Variants in ZFHX3 observed in about 807,000 individuals in gnomAD.
ZFHX3 encodes zinc finger homeobox protein 3.
In ZFHX3, 42 loss-of-function variants were observed where a neutral mutation model predicts 279.1. The ratio of observed to expected loss-of-function variants is 0.15; its 90% CI spans 0.12 to 0.19. ZFHX3 has a LOEUF of 0.19. Among genes scored for constraint, ZFHX3 ranks in the 10% least tolerant of loss-of-function variants. ZFHX3 has a pLI of 1.00. For synonymous variants in ZFHX3, 2,293 were observed against 1,957.8 expected (o/e 1.17, Z -4.52); for missense variants, 4,981 against 4,754.0 (o/e 1.05, Z -1.40).
At chr16:73,774,725 T>C (rs2054057910) in intron 1 of ZFHX3, among the ~76,000 whole-genome samples, 1 of 152,112 alleles carries the variant, frequency 6.6e-6, no homozygotes, top group Non-Finnish European at 1.5e-5. Flanking sequence ...ACAACCTCGG[T>C]TTATCAGTCA....
At chr16:73,639,544 T>C (rs529900578) in intron 2 of ZFHX3, among the ~76,000 whole-genome samples, 1 of 152,278 alleles carries the variant, frequency 6.6e-6, no homozygotes, top group South Asian at 2.1e-4. Context: ...CATGCCACCT[T>C]ACTGAGTTGC....
intron 2 of ZFHX3, chr16:73,486,825 T>A (rs1219560843): frequency 2.2e-6 from 1 of 456,078 alleles, no homozygotes; most frequent in Non-Finnish European, 4.4e-6. Flanking sequence ...TGGTCCACTC[T>A]GCACTTTAGG....
intron 4 of ZFHX3, among the ~76,000 whole-genome samples, chr16:72,851,427 G>A (rs2037614713): frequency 6.6e-6 from 1 of 152,182 alleles, no homozygotes; most frequent in African/African-American, 2.4e-5. Context: ...GTACTCTTGG[G>A]TTCTTGCAAC....
rs78790189 is a variant in ZFHX3 at position 72,815,849 on chromosome 16, G to A, written c.3530-3811C>T. ...AACAAAAAAACAAACAACTTGAAGC[G>A]TTAGTAACTCTAGTGGTTTGTACAA... is the stretch of plus-strand genomic sequence containing the variant. On this transcript the variant is annotated intron_variant, in intron 5 of 9. Transcript: ENST00000268489. 0.011 allele frequency among the ~76,000 whole-genome samples: 1,620 copies of A among 152,262 alleles called. 62 individuals are homozygous for A. In the South Asian group the frequency reaches 0.11, roughly 10 times the overall value.
chr16:73,360,082 G>A (rs543687998), intron 3 of ZFHX3, among the ~76,000 whole-genome samples: 1 of 152,198 alleles, frequency 6.6e-6, no homozygotes, highest in East Asian at 1.9e-4. Context: ...TTATTAGTTG[G>A]GTGGCATTAG....
intron 4 of ZFHX3, among the ~76,000 whole-genome samples, chr16:72,867,252 G>A (rs183662815): frequency 3.3e-5 from 5 of 152,246 alleles, no homozygotes; most frequent in African/African-American, 1.2e-4. Flanking sequence ...ATGTCAGTGT[G>A]GCATATTATG....
intron 1 of ZFHX3, among the ~76,000 whole-genome samples, chr16:73,804,470 G>A (rs1368521160): frequency 6.6e-6 from 1 of 152,190 alleles, no homozygotes; most frequent in African/African-American, 2.4e-5. Flanking sequence ...GCATTAAGCA[G>A]TCAGAAACAT....
chr16:72,945,335 G>A (rs79328838), intron 3 of ZFHX3, among the ~76,000 whole-genome samples: 4 of 152,206 alleles, frequency 2.6e-5, no homozygotes, highest in African/African-American at 4.8e-5. Flanking sequence ...CCATCTCCTG[G>A]AGTCCTCTTG....
At chr16:73,174,060 G>A (rs1310949026) in intron 5 of ZFHX3, among the ~76,000 whole-genome samples, 5 of 152,136 alleles carry the variant, frequency 3.3e-5, no homozygotes, top group African/African-American at 4.8e-5. Flanking sequence ...CGTCCTCAAG[G>A]CTTTGGGCAG....
intron 1 of ZFHX3, among the ~76,000 whole-genome samples, chr16:73,711,805 G>A (rs972762342): frequency 6.6e-6 from 1 of 152,190 alleles, no homozygotes; most frequent in Admixed American, 6.5e-5. Flanking sequence ...CTGTTTTCCT[G>A]TTACCTTCCA....
intron 2 of ZFHX3, among the ~76,000 whole-genome samples, chr16:73,587,396 A>G (rs1396540689): frequency 1.3e-5 from 2 of 152,262 alleles, no homozygotes; most frequent in Non-Finnish European, 2.9e-5. Context: ...TGACCTGGAC[A>G]ATGGTTAGAT....
intron 9 of ZFHX3, chr16:72,789,475 G>A (rs1190975311): frequency 2.6e-5 from 4 of 152,310 alleles, no homozygotes; most frequent in Non-Finnish European, 5.9e-5. Context: ...GGTCCCCAGA[G>A]AAGTTATCTG....
chr16:73,883,843 A>C (rs62041531), intron 1 of ZFHX3, among the ~76,000 whole-genome samples: 1 of 152,062 alleles, frequency 6.6e-6, no homozygotes, highest in Non-Finnish European at 1.5e-5. Flanking sequence ...CAAGGTCTCC[A>C]TAAGTGAGTA....
rs945918662 is a variant in ZFHX3 at position 72,957,573 on chromosome 16, T to A, written c.2573A>T (p.Glu858Val). 1 of 1,613,786 alleles carries A rather than the reference T, an allele frequency of 6.2e-7. No homozygotes were observed. Among genetic ancestry groups the A allele is most frequent in the African/African-American group, 1.3e-5 (1 of 74,890 alleles). ...CAGGTAGTATTGGTAGAGCTCGGCC[T>A]CGGCGGGTGAGGGCAGGCTGCCGAG... is the stretch of plus-strand genomic sequence containing the variant. ...LGLGSLPSPA[E>V]AELYQYYLAQ... is the part of the protein sequence containing the mutation. Residue 858 changes from glutamate to valine, a missense_variant, in exon 2 of 10, where the codon GAG becomes GTG. Coordinates refer to ENST00000268489, the MANE Select transcript of ZFHX3 (RefSeq NM_006885.4).
intron 2 of ZFHX3, among the ~76,000 whole-genome samples, chr16:73,675,453 A>G (rs1216727981): frequency 1.3e-5 from 2 of 152,090 alleles, no homozygotes; most frequent in South Asian, 2.1e-4. Flanking sequence ...TCATCTATCC[A>G]TTACAAATGG....
chr16:73,828,093 T>C (rs1318425018), intron 1 of ZFHX3, among the ~76,000 whole-genome samples: 1 of 63,498 alleles, frequency 1.6e-5, no homozygotes, highest in African/African-American at 7.2e-5. Context: ...TGCTCCTGTA[T>C]TGGGTGCATA....
At chr16:73,614,508 C>A (rs576066716) in intron 2 of ZFHX3, among the ~76,000 whole-genome samples, 4 of 152,112 alleles carry the variant, frequency 2.6e-5, no homozygotes, top group Non-Finnish European at 5.9e-5. Flanking sequence ...AAAGATTCCA[C>A]GGGCACTATA....
At chr16:73,000,674 G>A (rs567430398) in intron 1 of ZFHX3, among the ~76,000 whole-genome samples, 149 of 152,192 alleles carry the variant, frequency 9.8e-4, no homozygotes, top group African/African-American at 3.4e-3. Flanking sequence ...TGTTTTCAGC[G>A]GCCAAACACC....
intron 7 of ZFHX3, among the ~76,000 whole-genome samples, chr16:73,122,563 C>A (rs576035503): frequency 1.3e-5 from 2 of 152,180 alleles, no homozygotes; most frequent in African/African-American, 4.8e-5. Flanking sequence ...GAGGTCAAGT[C>A]TTTTGGCTGT....
Sources: gnomAD v4.1 joint callset for allele counts (sites outside exome capture counted in the v4.1 genomes callset) on GRCh38, gnomAD v4.1.1 for gene constraint, MANE v1.5 for transcripts, NCBI Gene and HGNC (gene_info 2026-07-23, HGNC 2026-07-21) for gene names.